Variants in SLC4A10 observed in about 807,000 individuals in gnomAD.
SLC4A10 encodes the protein solute carrier family 4 member 10.
SLC4A10 carries 42 observed loss-of-function variants against 137.7 expected under a neutral mutation model. That is an observed-to-expected ratio of 0.30 (90% CI 0.24 to 0.39). SLC4A10 has a LOEUF of 0.39. SLC4A10 is among the 10% of genes least tolerant of loss of function. The probability of loss-of-function intolerance (pLI) is 1.00; values close to 1 mark genes in which losing one functional copy is unlikely to be tolerated. For missense variants in SLC4A10, 925 were observed against 1,355.0 expected, an observed-to-expected ratio of 0.68 and a Z score of 4.98; for synonymous variants, 474 against 464.1, an observed-to-expected ratio of 1.02 and a Z score of -0.27.
At chr2:161,641,585 A>T (rs2035330881) in intron 1 of SLC4A10, among the ~76,000 whole-genome samples, 1 of 152,068 alleles carries the variant, frequency 6.6e-6, no homozygotes. Context: ...CACATTCATT[A>T]TTGTATTGTG....
chr2:161,678,872 G>A (rs2040548558), intron 1 of SLC4A10, among the ~76,000 whole-genome samples: 2 of 152,058 alleles, frequency 1.3e-5, no homozygotes, highest in African/African-American at 4.8e-5. Flanking sequence ...ACTATCGAAG[G>A]ACATTGGATT....
At chr2:161,743,782 T>A (rs1193732408) in intron 1 of SLC4A10, among the ~76,000 whole-genome samples, 1 of 152,188 alleles carries the variant, frequency 6.6e-6, no homozygotes, top group Non-Finnish European at 1.5e-5. Context: ...GGAACATCTT[T>A]CCATTTTGTG....
At chr2:161,661,143 T>C (rs1393072273) in intron 1 of SLC4A10, among the ~76,000 whole-genome samples, 2 of 152,146 alleles carry the variant, frequency 1.3e-5, no homozygotes, top group Non-Finnish European at 2.9e-5. Flanking sequence ...AATTTGTTTC[T>C]CTTCTAGTGT....
intron 1 of SLC4A10, among the ~76,000 whole-genome samples, chr2:161,714,946 T>C (rs2044680605): frequency 6.6e-6 from 1 of 151,980 alleles, no homozygotes; most frequent in Non-Finnish European, 1.5e-5. Context: ...AGGTAAATGC[T>C]ACAAATATGT....
chr2:161,775,952 A>G lies in SLC4A10; in HGVS notation c.130+4898A>G, dbSNP rs1417060005. Among the ~76,000 whole-genome samples the G allele has an allele frequency of 2.0e-5, 3 of 151,922 alleles. No individual in the cohort carries two copies. In the East Asian group the frequency reaches 5.8e-4, roughly 29 times the overall value. ...ATGTGCTGTAATTTCAGCCATTTTGAATGCAGTGATCAATTACCAATCAAG... is the reference window on the plus strand; with the variant it reads ...ATGTGCTGTAATTTCAGCCATTTTGGATGCAGTGATCAATTACCAATCAAG... On this transcript the variant is annotated intron_variant, in intron 2 of 26. Coordinates refer to ENST00000446997, the MANE Select transcript of SLC4A10 (RefSeq NM_001178015.2).
intron 2 of SLC4A10, 22 bp from the exon 3 acceptor site, chr2:161,804,427 G>A: frequency 6.2e-7 from 1 of 1,601,986 alleles, no homozygotes; most frequent in South Asian, 1.1e-5. Context: ...AGTTTAATTT[G>A]TGGGTTTGCT....
intron 15 of SLC4A10, among the ~76,000 whole-genome samples, chr2:161,935,289 G>A (rs1691376290): frequency 6.6e-6 from 1 of 152,114 alleles, no homozygotes. Flanking sequence ...ATACAGCTTT[G>A]TGGTGTATTT....
In SLC4A10 at chr2:161,697,176, G is replaced by A. The variant is rs1449150571; in HGVS notation, c.48+72610G>A. Among the ~76,000 whole-genome samples, 25 of 151,982 alleles carry A rather than the reference G, an allele frequency of 1.6e-4. 1 individual carries two copies. Among genetic ancestry groups the A allele is most frequent in the Admixed American group, 1.6e-3 (25 of 15,246 alleles). On this transcript the variant is annotated intron_variant, in intron 1 of 26. Transcript: ENST00000446997. ...TTTTTTGTTTTTTTCTTGTAAATTG[G>A]TTTGAATTCATTGTAGATTCTGGAT...
intron 2 of SLC4A10, among the ~76,000 whole-genome samples, chr2:161,798,257 T>C (rs908878806): frequency 2.0e-5 from 3 of 152,020 alleles, no homozygotes; most frequent in Admixed American, 6.6e-5. Context: ...GACCTTTTTG[T>C]ATGATTGACA....
Position 161,900,932 on chromosome 2 carries a change from G to C in SLC4A10, c.1363G>C (p.Val455Leu). 1.9e-6 allele frequency: 3 copies of C among 1,559,914 alleles called. No individual in the cohort carries two copies. The highest frequency in any genetic ancestry group is 2.6e-6 in the Non-Finnish European group (3 of 1,151,586). Residue 455 changes from valine (V) to leucine (L), a missense_variant, in exon 12 of 27, where the codon GTA becomes CTA. Around this residue, in one of 11 missense-constraint regions of SLC4A10, gnomAD observed 61 missense variants for 59.0 expected, o/e 1.03. Transcript: ENST00000446997. ...PSQEKRKIPA[V>L]PNGTAAHGEA... ...ACAGGAGAAGAGGAAGATTCCTGCT[G>C]TACCAAATGGAACAGCAGCTCATGG... is the stretch of plus-strand genomic sequence containing the variant.
At chr2:161,933,077 A>G (rs1229493821) in intron 15 of SLC4A10, among the ~76,000 whole-genome samples, 1 of 152,124 alleles carries the variant, frequency 6.6e-6, no homozygotes, top group Non-Finnish European at 1.5e-5. Flanking sequence ...GCTGAAAAGT[A>G]TTCCACAATG....
intron 1 of SLC4A10, among the ~76,000 whole-genome samples, chr2:161,693,797 G>A (rs1015460723): frequency 2.7e-5 from 4 of 150,698 alleles, no homozygotes; most frequent in African/African-American, 7.3e-5. Context: ...TCAAATGGCA[G>A]TATTTCCTTC....
chr2:161,847,201 C>T lies in SLC4A10; in HGVS notation c.416+7274C>T, dbSNP rs530472257. Among the ~76,000 whole-genome samples the T allele has an allele frequency of 2.5e-3, 383 of 151,954 alleles. 8 individuals are homozygous for T. The highest frequency in any genetic ancestry group is 4.9e-4 in the Non-Finnish European group (33 of 67,974). ...GTGGCTGCAGTGAGCTGTGATTGCA[C>T]CACAGCACTCCAGTCTGGATGACAG... On this transcript the variant is annotated intron_variant, in intron 4 of 26. Transcript: ENST00000446997.
chr2:161,776,244 C>T (rs1199354166), intron 2 of SLC4A10, among the ~76,000 whole-genome samples: 1 of 151,752 alleles, frequency 6.6e-6, no homozygotes, highest in Admixed American at 6.6e-5. Context: ...TGATTTTCAT[C>T]AGTAATGCAA....
chr2:161,790,439 T>C (rs1408260511), intron 2 of SLC4A10, among the ~76,000 whole-genome samples: 1 of 152,178 alleles, frequency 6.6e-6, no homozygotes, highest in Non-Finnish European at 1.5e-5. Flanking sequence ...AGTTGATTAA[T>C]TTTTGTGCAA....
chr2:161,631,864 T>C (rs988154007), intron 1 of SLC4A10, among the ~76,000 whole-genome samples: 14 of 151,792 alleles, frequency 9.2e-5, no homozygotes, highest in Admixed American at 6.6e-5. Flanking sequence ...CAAACTCAGT[T>C]GGATAGAGTG....
Position 161,836,584 on chromosome 2 carries a change from GAAAGAAAGAAAGA to G in SLC4A10, c.278-3202_278-3190del, listed in dbSNP as rs2058819635. The stretch of plus-strand genomic sequence containing the variant: ...AGAAAGAAAGAAAGAAAGAAAGAAA[GAAAGAAAGAAAGA>G]AAGGAAGGAAGGAAAGAAATGAAAG... On this transcript the variant is annotated intron_variant, in intron 3 of 26. Coordinates refer to ENST00000446997, the MANE Select transcript of SLC4A10 (RefSeq NM_001178015.2). Among the ~76,000 whole-genome samples, 19 of 88,044 alleles carry G rather than the reference GAAAGAAAGAAAGA, an allele frequency of 2.2e-4. 1 individual carries two copies. In the Middle Eastern group the frequency reaches 0.017, roughly 79 times the overall value. The allele number at this position is 88,044 out of a possible 152,430, so 57.8% of individuals were successfully genotyped here. A position where few individuals can be genotyped will look rare whatever the true frequency, so the allele number is the denominator to read the frequency against.
chr2:161,691,865 A>G (rs866971201), intron 1 of SLC4A10, among the ~76,000 whole-genome samples: 13 of 152,148 alleles, frequency 8.5e-5, no homozygotes, highest in African/African-American at 3.1e-4. Flanking sequence ...CAAAACATAC[A>G]TGAATGTTAT....
chr2:161,971,054 T>A (rs1259365846), intron 23 of SLC4A10, among the ~76,000 whole-genome samples: 1 of 152,244 alleles, frequency 6.6e-6, no homozygotes, highest in Non-Finnish European at 1.5e-5. Flanking sequence ...GTACTTTTCA[T>A]AATGATCACT....
Sources: allele counts gnomAD v4.1 joint callset (sites outside exome capture counted in the v4.1 genomes callset), GRCh38; gene constraint gnomAD v4.1.1; regional missense constraint gnomAD v4.1.1; transcripts MANE v1.5; gene names NCBI Gene and HGNC (gene_info 2026-07-23, HGNC 2026-07-21).